The following DPP10 variants were observed in gnomAD, a reference collection of about 807,000 sequenced individuals.
DPP10 encodes inactive dipeptidyl peptidase 10.
A neutral mutation model predicts 120.9 loss-of-function variants in DPP10; 33 were observed. That is an observed-to-expected ratio of 0.27 (90% CI 0.21 to 0.37). DPP10 has a LOEUF of 0.37. Ranked by LOEUF, DPP10 falls within the 10% of genes least tolerant of loss-of-function variation. The pLI is 1.00. For missense variants in DPP10, 816 were observed against 942.8 expected, an observed-to-expected ratio of 0.87 and a Z score of 1.76; for synonymous variants, 337 against 326.1, an observed-to-expected ratio of 1.03 and a Z score of -0.36.
Position 115,464,090 on chromosome 2 carries a change from C to G in DPP10, c.272-35420C>G, listed in dbSNP as rs544659641. Among the ~76,000 whole-genome samples the G allele has an allele frequency of 2.9e-4, 44 of 152,228 alleles. No individual in the cohort carries two copies. In the South Asian group the frequency reaches 3.5e-3, roughly 12 times the overall value. ...GGCTTCAATTGTTATAGGGTCCTCA[C>G]TGTTCAACCTCCAGGCCACTTTGCC... On this transcript the variant is annotated intron_variant, in intron 3 of 25. Transcript: ENST00000410059.
At chr2:115,087,539 T>TC (rs1491330390) in intron 1 of DPP10, among the ~76,000 whole-genome samples, 4 of 119,726 alleles carry the variant, frequency 3.3e-5, no homozygotes, top group South Asian at 5.1e-4. Context: ...TTTTCTTTTC[T>TC]TTTTTTTTTT....
chr2:115,358,276 C>G (rs1318830849), intron 3 of DPP10, among the ~76,000 whole-genome samples: 1 of 152,136 alleles, frequency 6.6e-6, no homozygotes, highest in Non-Finnish European at 1.5e-5. Flanking sequence ...GCTAAATTGT[C>G]TCACTCAGAT....
At chr2:115,239,409 G>A (rs549058332) in intron 1 of DPP10, among the ~76,000 whole-genome samples, 2 of 152,188 alleles carry the variant, frequency 1.3e-5, no homozygotes, top group South Asian at 4.2e-4. Context: ...CCAACATTCA[G>A]CAACCAACAC....
intron 24 of DPP10, among the ~76,000 whole-genome samples, 174 bp from the exon 25 acceptor site, chr2:115,840,576 G>A (rs112018954): frequency 0.013 from 1,976 of 151,772 alleles, 45 homozygotes; most frequent in African/African-American, 0.043. Flanking sequence ...GGCCCACCTC[G>A]GCCTCCCAAA....
At chr2:114,527,171 G>A (rs146899023) in intron 1 of DPP10, among the ~76,000 whole-genome samples, 7 of 152,226 alleles carry the variant, frequency 4.6e-5, no homozygotes, top group Non-Finnish European at 1.0e-4. Context: ...ATCTTTAGAC[G>A]AGAGTTTATT....
chr2:114,636,199 G>C (rs1218080243), intron 1 of DPP10, among the ~76,000 whole-genome samples: 2 of 151,890 alleles, frequency 1.3e-5, no homozygotes, highest in Admixed American at 1.3e-4. Flanking sequence ...ATTTTTCCTT[G>C]AAATAATCAC....
chr2:115,515,405 A>T (rs1295411764), intron 4 of DPP10, among the ~76,000 whole-genome samples: 1 of 149,804 alleles, frequency 6.7e-6, no homozygotes, highest in Non-Finnish European at 1.5e-5. Flanking sequence ...GGCTGATAAA[A>T]GATAGAATTT....
chr2:114,805,781 A>G lies in DPP10; in HGVS notation c.60+362943A>G, dbSNP rs1451079044. ...GCTTCCTATGCCAGAGAGAAAGGAA[A>G]CTATTTCAAGGACAATTAAATGCTT... is the stretch of plus-strand genomic sequence containing the variant. On this transcript the variant is annotated intron_variant, in intron 1 of 25. Transcript: ENST00000410059. 2.0e-5 allele frequency among the ~76,000 whole-genome samples: 3 copies of G among 152,192 alleles called. No homozygotes were observed. In the South Asian group the frequency reaches 6.2e-4, roughly 32 times the overall value.
At chr2:114,950,847 A>T (rs930653882) in intron 1 of DPP10, among the ~76,000 whole-genome samples, 2 of 152,192 alleles carry the variant, frequency 1.3e-5, no homozygotes, top group African/African-American at 4.8e-5. Context: ...AATGAGGCAG[A>T]TAAGTGTTCA....
At chr2:114,748,338 C>CTTTTCTT (rs1299035144) in intron 1 of DPP10, among the ~76,000 whole-genome samples, 1 of 70,324 alleles carries the variant, frequency 1.4e-5, no homozygotes, top group Non-Finnish European at 2.8e-5. Context: ...AGGGAATTTT[C>CTTTTCTT]TTTTTTTTTT....
intron 1 of DPP10, among the ~76,000 whole-genome samples, chr2:115,306,652 G>A (rs1438195837): frequency 6.6e-6 from 1 of 152,096 alleles, no homozygotes. Context: ...TAAGTCAGCA[G>A]TTCTCAAATA....
At chr2:115,195,107 T>C (rs1450456825) in intron 1 of DPP10, among the ~76,000 whole-genome samples, 3 of 152,190 alleles carry the variant, frequency 2.0e-5, no homozygotes, top group African/African-American at 4.8e-5. Flanking sequence ...GAGTCAGTAT[T>C]GTTATTAGAA....
intron 1 of DPP10, among the ~76,000 whole-genome samples, chr2:114,887,581 C>T (rs1692177333): frequency 6.6e-6 from 1 of 152,298 alleles, no homozygotes; most frequent in South Asian, 2.1e-4. Flanking sequence ...GGTTGCTCAC[C>T]TTCCAAAAGT....
chr2:115,070,840 T>C (rs1265434457), intron 1 of DPP10, among the ~76,000 whole-genome samples: 3 of 152,182 alleles, frequency 2.0e-5, no homozygotes, highest in African/African-American at 7.2e-5. Flanking sequence ...GAAAATGTAT[T>C]AACTAACTTA....
chr2:114,629,420 T>C (rs774947451), intron 1 of DPP10, among the ~76,000 whole-genome samples: 8 of 152,138 alleles, frequency 5.3e-5, no homozygotes, highest in Non-Finnish European at 8.8e-5. Flanking sequence ...TCACAAAAGA[T>C]TGGTTAAGGG....
intron 1 of DPP10, among the ~76,000 whole-genome samples, chr2:114,854,390 GT>G (rs1413022964): frequency 6.6e-6 from 1 of 152,090 alleles, no homozygotes; most frequent in Non-Finnish European, 1.5e-5. Context: ...CATTAAGTAT[GT>G]TTCATAAAAA....
chr2:114,743,936 C>G (rs912701650), intron 1 of DPP10, among the ~76,000 whole-genome samples: 2 of 151,898 alleles, frequency 1.3e-5, no homozygotes, highest in African/African-American at 2.4e-5. Flanking sequence ...TAATAAGCAA[C>G]TTTATTACAA....
chr2:114,841,866 C>T (rs1384640700), intron 1 of DPP10, among the ~76,000 whole-genome samples: 3 of 151,914 alleles, frequency 2.0e-5, no homozygotes, highest in Non-Finnish European at 4.4e-5. Context: ...GTGGAGACAC[C>T]CGGCACTCAT....
At chr2:114,458,056 A>T (rs1378866569) in intron 1 of DPP10, among the ~76,000 whole-genome samples, 1 of 152,178 alleles carries the variant, frequency 6.6e-6, no homozygotes, top group Non-Finnish European at 1.5e-5. Flanking sequence ...AAAATCAACA[A>T]GGTAGAAAGA....
Sources: allele counts gnomAD v4.1 joint callset (sites outside exome capture counted in the v4.1 genomes callset), GRCh38; gene constraint gnomAD v4.1.1; transcripts MANE v1.5; gene names NCBI Gene and HGNC (gene_info 2026-07-23, HGNC 2026-07-21).